TGFBR2: variants seen among roughly 807,000 people sequenced by gnomAD.
The protein encoded by TGFBR2 is TGF-beta receptor type-2.
Under a neutral mutation model 49.0 loss-of-function variants are expected in TGFBR2, and 18 were observed. The observed-to-expected ratio is 0.37, with a 90% CI of 0.25 to 0.54. TGFBR2 has a LOEUF of 0.54. Among genes scored for constraint, TGFBR2 ranks in the 20% least tolerant of loss-of-function variants. TGFBR2 has a pLI of 0.85. For missense variants in TGFBR2, 525 were observed against 722.6 expected (o/e 0.73, Z 3.13); for synonymous variants, 282 against 275.9 (o/e 1.02, Z -0.22).
intron 5 of TGFBR2, among the ~76,000 whole-genome samples, chr3:30,675,958 C>A (rs1037572343): frequency 6.6e-6 from 1 of 152,170 alleles, no homozygotes; most frequent in Non-Finnish European, 1.5e-5. Flanking sequence ...TGCATGCCTC[C>A]TTAGTCTCCT....
intron 1 of TGFBR2, among the ~76,000 whole-genome samples, chr3:30,613,968 A>G (rs548320560): frequency 7.9e-4 from 120 of 152,234 alleles, no homozygotes; most frequent in African/African-American, 2.9e-3. Context: ...TAATTGTACC[A>G]TTTTTTCCCT....
intron 3 of TGFBR2, among the ~76,000 whole-genome samples, chr3:30,652,667 G>T (rs920236229): frequency 5.3e-5 from 8 of 152,104 alleles, no homozygotes; most frequent in African/African-American, 1.9e-4. Context: ...GAAGGCCTAG[G>T]CTAAGCCAAA....
In TGFBR2 at chr3:30,672,076, A is replaced by T. The variant is rs751587466; in HGVS notation, c.893A>T (p.Asn298Ile). The change falls in exon 4 of 7, where the codon AAT becomes ATT. Residue 298 changes from asparagine to isoleucine, a missense_variant. Physicochemically the swap from Asn to Ile is moderately radical, Grantham distance 149. Around this residue, in one of 3 missense-constraint regions of TGFBR2, gnomAD observed 376 missense variants for 478.2 expected, o/e 0.79. Transcript: ENST00000295754. This position sits in a 1 kb window ranked among gnomAD's most constrained non-coding sequence, Gnocchi z 4.5. ...KTEKDIFSDI[N>I]LKHENILQFL... ...GAGAAGGACATCTTCTCAGACATCAATCTGAAGCATGAGAACATACTCCAG... is the reference window on the plus strand; with the variant it reads ...GAGAAGGACATCTTCTCAGACATCATTCTGAAGCATGAGAACATACTCCAG... 1 of 1,614,230 alleles carries T rather than the reference A, an allele frequency of 6.2e-7. No individual in the cohort carries two copies. Among genetic ancestry groups the T allele is most frequent in the Non-Finnish European group, 8.5e-7 (1 of 1,180,028 alleles).
chr3:30,691,303 G>A (rs1320436029), intron 6 of TGFBR2, 117 bp from the exon 7 acceptor site: 5 of 1,129,876 alleles, frequency 4.4e-6, no homozygotes, highest in Non-Finnish European at 6.5e-6. Context: ...CATGTTAAAT[G>A]CACAGGCACT....
chr3:30,684,545 C>G (rs757118725), intron 5 of TGFBR2, among the ~76,000 whole-genome samples: 3 of 152,148 alleles, frequency 2.0e-5, no homozygotes, highest in Non-Finnish European at 4.4e-5. Context: ...CCTCCCTCCC[C>G]AGACTTGTCT....
intron 1 of TGFBR2, among the ~76,000 whole-genome samples, chr3:30,623,948 C>A (rs774211810): frequency 4.6e-5 from 7 of 152,106 alleles, no homozygotes; most frequent in South Asian, 2.1e-4. Context: ...TCAAGACCAG[C>A]CTGACCAACA....
intron 1 of TGFBR2, among the ~76,000 whole-genome samples, chr3:30,629,574 C>T (rs1205949112): frequency 6.6e-6 from 1 of 152,148 alleles, no homozygotes; most frequent in Admixed American, 6.6e-5. Context: ...AGCAAATATG[C>T]ATTAATTTTC....
At chr3:30,682,411 T>A (rs995618718) in intron 5 of TGFBR2, among the ~76,000 whole-genome samples, 4 of 152,228 alleles carry the variant, frequency 2.6e-5, no homozygotes, top group Non-Finnish European at 4.4e-5. Context: ...TCGCTTTTTC[T>A]CTTAGAGGCA....
chr3:30,623,365 T>C, intron 1 of TGFBR2: 1 of 1,471,770 alleles, frequency 6.8e-7, no homozygotes, highest in Admixed American at 1.7e-5. Flanking sequence ...AAGATAAAAA[T>C]CTATAGTCTC....
At chr3:30,677,730 A>G (rs185557374) in intron 5 of TGFBR2, among the ~76,000 whole-genome samples, 1 of 152,356 alleles carries the variant, frequency 6.6e-6, no homozygotes, top group East Asian at 1.9e-4. Context: ...CTCCAACTGC[A>G]TTCATCTTGA....
At chr3:30,684,994 T>A (rs1699598510) in intron 5 of TGFBR2, among the ~76,000 whole-genome samples, 1 of 152,214 alleles carries the variant, frequency 6.6e-6, no homozygotes, top group Admixed American at 6.5e-5. Flanking sequence ...GCTCTGCGTT[T>A]ATAGTCTCAA....
chr3:30,685,890 T>C (rs1699612092), intron 5 of TGFBR2, among the ~76,000 whole-genome samples: 1 of 152,214 alleles, frequency 6.6e-6, no homozygotes, highest in Admixed American at 6.5e-5. Flanking sequence ...AGATGGAAGG[T>C]CTGTGGACTG....
At chr3:30,609,369 A>T (rs1437346258) in intron 1 of TGFBR2, among the ~76,000 whole-genome samples, 2 of 152,222 alleles carry the variant, frequency 1.3e-5, no homozygotes, top group African/African-American at 2.4e-5. Flanking sequence ...TTAATGCAAG[A>T]TAATATATCA....
At chr3:30,622,493 A>G (rs765643546) in intron 1 of TGFBR2, among the ~76,000 whole-genome samples, 27 of 152,294 alleles carry the variant, frequency 1.8e-4, no homozygotes, top group Non-Finnish European at 3.2e-4. Context: ...AGAATATGTA[A>G]AATGTCTTTC....
chr3:30,689,772 G>A (rs1309085653), intron 6 of TGFBR2, among the ~76,000 whole-genome samples: 2 of 152,222 alleles, frequency 1.3e-5, no homozygotes, highest in Admixed American at 6.5e-5. Context: ...CTCCTCTGCT[G>A]TATAGTTCTC....
chr3:30,679,521 A>G (rs1699498777), intron 5 of TGFBR2, among the ~76,000 whole-genome samples: 1 of 152,212 alleles, frequency 6.6e-6, no homozygotes, highest in Non-Finnish European at 1.5e-5. Context: ...GATGTGTTGC[A>G]GTTAGGTGAA....
At chr3:30,617,367 A>G (rs1038550715) in intron 1 of TGFBR2, among the ~76,000 whole-genome samples, 1 of 152,144 alleles carries the variant, frequency 6.6e-6, no homozygotes, top group Non-Finnish European at 1.5e-5. Context: ...TCTAACGCTC[A>G]TAGTATTGGG....
At chr3:30,660,587 G>A (rs934319620) in intron 3 of TGFBR2, among the ~76,000 whole-genome samples, 10 of 152,156 alleles carry the variant, frequency 6.6e-5, no homozygotes, top group Non-Finnish European at 4.4e-5. Flanking sequence ...ACCACAGGAA[G>A]GAGCCAAAAT....
chr3:30,651,313 G>T (rs1698880914), intron 3 of TGFBR2, among the ~76,000 whole-genome samples: 1 of 152,062 alleles, frequency 6.6e-6, no homozygotes, highest in South Asian at 2.1e-4. Flanking sequence ...TGTATTAGAT[G>T]CACACACGTC....
Sources: gnomAD v4.1 joint callset for allele counts (sites outside exome capture counted in the v4.1 genomes callset) on GRCh38, gnomAD v4.1.1 for gene constraint, gnomAD v4.1.1 regional missense constraint, Gnocchi (gnomAD v3.1) non-coding constraint, MANE v1.5 for transcripts, NCBI Gene and HGNC (gene_info 2026-07-23, HGNC 2026-07-21) for gene names.